The following SORCS2 variants were observed in gnomAD, a reference collection of about 807,000 sequenced individuals.
SORCS2 encodes VPS10 domain-containing receptor SorCS2.
In SORCS2, 100 loss-of-function variants were observed where a neutral mutation model predicts 141.6. The ratio of observed to expected loss-of-function variants is 0.71; its 90% CI spans 0.60 to 0.83. The LOEUF is 0.83. Among genes scored for constraint, SORCS2 ranks in the 40% least tolerant of loss-of-function variants. The probability of loss-of-function intolerance (pLI) is 0.00; values close to 1 mark genes in which losing one functional copy is unlikely to be tolerated. For synonymous variants in SORCS2, 789 were observed against 676.9 expected (o/e 1.17, Z -2.57); for missense variants, 1,646 against 1,560.2 (o/e 1.05, Z -0.93).
intron 2 of SORCS2, among the ~76,000 whole-genome samples, chr4:7,523,506 A>C (rs946107186): frequency 6.6e-6 from 1 of 152,014 alleles, no homozygotes; most frequent in Non-Finnish European, 1.5e-5. Flanking sequence ...AGGGGGTAGT[A>C]CTGGGTTTGG....
intron 2 of SORCS2, among the ~76,000 whole-genome samples, chr4:7,523,962 G>A (rs928716008): frequency 2.6e-5 from 4 of 152,226 alleles, no homozygotes; most frequent in Non-Finnish European, 5.9e-5. Context: ...GAAGCTGCCT[G>A]TCTCCATTTC....
chr4:7,559,322 C>T (rs1714362065), intron 3 of SORCS2, among the ~76,000 whole-genome samples: 1 of 152,196 alleles, frequency 6.6e-6, no homozygotes, highest in Non-Finnish European at 1.5e-5. Context: ...GAGCCTGGCC[C>T]AGCTCTGTGA....
chr4:7,630,336 T>C (rs1478386876), intron 3 of SORCS2, among the ~76,000 whole-genome samples: 1 of 152,232 alleles, frequency 6.6e-6, no homozygotes, highest in African/African-American at 2.4e-5. Flanking sequence ...CTGCGATTTC[T>C]CCAAGAGTAG....
chr4:7,291,329 G>A (rs1307012825), intron 1 of SORCS2, among the ~76,000 whole-genome samples: 1 of 152,200 alleles, frequency 6.6e-6, no homozygotes, highest in Non-Finnish European at 1.5e-5. Flanking sequence ...GACTGCAGGT[G>A]CAGACGGGCC....
In SORCS2 at chr4:7,264,124, G is replaced by A. The variant is rs77242332; in HGVS notation, c.480+70998G>A. On this transcript the variant is annotated intron_variant, in intron 1 of 26. Transcript: ENST00000507866. Reference sequence around the variant, plus strand: ...CACAGGGTCACTGCGCTGAGGTTACGGGAAGCAGTGGAGACTGCGGGACTC... The same window carrying A: ...CACAGGGTCACTGCGCTGAGGTTACAGGAAGCAGTGGAGACTGCGGGACTC... 7.8e-3 allele frequency among the ~76,000 whole-genome samples: 1,183 copies of A among 152,300 alleles called. 14 individuals are homozygous for A. The highest frequency in any genetic ancestry group is 0.026 in the African/African-American group (1,096 of 41,578).
At chr4:7,655,418 C>G (rs1275187906) in intron 5 of SORCS2, among the ~76,000 whole-genome samples, 1 of 152,214 alleles carries the variant, frequency 6.6e-6, no homozygotes, top group African/African-American at 2.4e-5. Flanking sequence ...CCTCAGCCTT[C>G]CGTTCCAAAG....
At chr4:7,675,806 G>A (rs558937816) in intron 8 of SORCS2, among the ~76,000 whole-genome samples, 5 of 152,156 alleles carry the variant, frequency 3.3e-5, no homozygotes, top group African/African-American at 4.8e-5. Context: ...CCCATAACCC[G>A]GCGTAGAGCA....
chr4:7,204,436 T>G (rs1340004883), intron 1 of SORCS2, among the ~76,000 whole-genome samples: 1 of 152,198 alleles, frequency 6.6e-6, no homozygotes, highest in African/African-American at 2.4e-5. Context: ...CAGGCTGGTC[T>G]TAAACTCCTA....
chr4:7,477,577 G>A (rs1268154398), intron 2 of SORCS2, among the ~76,000 whole-genome samples: 1 of 152,174 alleles, frequency 6.6e-6, no homozygotes, highest in Non-Finnish European at 1.5e-5. Flanking sequence ...CTGCAAAGCC[G>A]GGGTCTGAGG....
chr4:7,629,849 T>C (rs1335976457), intron 3 of SORCS2, among the ~76,000 whole-genome samples: 1 of 152,140 alleles, frequency 6.6e-6, no homozygotes, highest in Non-Finnish European at 1.5e-5. Flanking sequence ...TTCTTCCTAC[T>C]GCATCCCCAT....
intron 2 of SORCS2, among the ~76,000 whole-genome samples, chr4:7,441,011 G>A (rs1231558164): frequency 6.6e-6 from 1 of 152,172 alleles, no homozygotes; most frequent in African/African-American, 2.4e-5. Flanking sequence ...GGGGGAAGGT[G>A]GAGATTTGGG....
chr4:7,533,789 C>T (rs989862177), intron 3 of SORCS2, among the ~76,000 whole-genome samples: 4 of 146,888 alleles, frequency 2.7e-5, no homozygotes, highest in Non-Finnish European at 6.1e-5. Context: ...GGGACATGGC[C>T]GTGACCTCCG....
chr4:7,677,193 G>C (rs557876185), intron 9 of SORCS2, among the ~76,000 whole-genome samples: 1 of 152,172 alleles, frequency 6.6e-6, no homozygotes, highest in South Asian at 2.1e-4. Flanking sequence ...AGCCTTCCTC[G>C]CTGCCCTCCT....
rs1254722651 is a variant in SORCS2, at chr4:7,663,082, G to A, written c.953-1271G>A. 6.6e-6 allele frequency among the ~76,000 whole-genome samples: 1 copy of A among 152,152 alleles called. No homozygotes were observed. Among genetic ancestry groups the A allele is most frequent in the African/African-American group, 2.4e-5 (1 of 41,432 alleles). On this transcript the variant is annotated intron_variant, in intron 6 of 26. Transcript: ENST00000507866. The surrounding 1 kb of genome is among the most constrained non-coding windows in gnomAD (Gnocchi z 4.8). ...AGTGAAAGAGTGGGTGAATGAGTGA[G>A]TGAGTGAGTGAATGAGTAAGTGAAT...
At chr4:7,655,667 G>A (rs986811744) in intron 5 of SORCS2, among the ~76,000 whole-genome samples, 5 of 152,244 alleles carry the variant, frequency 3.3e-5, no homozygotes, top group African/African-American at 1.2e-4. Context: ...TCCTCCCTCG[G>A]AAACCAGAGC....
chr4:7,494,076 C>T (rs905794350), intron 2 of SORCS2, among the ~76,000 whole-genome samples: 1 of 152,126 alleles, frequency 6.6e-6, no homozygotes, highest in Admixed American at 6.5e-5. Flanking sequence ...CACACTCATA[C>T]GTTCACATAT....
At chr4:7,247,672 C>T (rs531849923) in intron 1 of SORCS2, among the ~76,000 whole-genome samples, 3 of 152,260 alleles carry the variant, frequency 2.0e-5, no homozygotes, top group South Asian at 4.1e-4. Context: ...GCCAAGGCTA[C>T]GAGAGTGCTG....
chr4:7,470,893 C>T (rs1272276684), intron 2 of SORCS2, among the ~76,000 whole-genome samples: 4 of 152,166 alleles, frequency 2.6e-5, no homozygotes, highest in Non-Finnish European at 2.9e-5. Context: ...AAACATCTCA[C>T]GCTTGCAGGG....
At chr4:7,326,184 G>C (rs1222347134) in intron 1 of SORCS2, among the ~76,000 whole-genome samples, 9 of 152,092 alleles carry the variant, frequency 5.9e-5, no homozygotes, top group Non-Finnish European at 1.0e-4. Context: ...GGGATGGGAG[G>C]CTCCAGGGGA....
Sources: allele counts gnomAD v4.1 joint callset (sites outside exome capture counted in the v4.1 genomes callset), GRCh38; gene constraint gnomAD v4.1.1; non-coding constraint Gnocchi (gnomAD v3.1); transcripts MANE v1.5; gene names NCBI Gene and HGNC (gene_info 2026-07-23, HGNC 2026-07-21).